Variants in PLCB1 observed in about 807,000 individuals in gnomAD.
PLCB1 encodes phospholipase C beta 1, also known as 1-phosphatidylinositol 4,5-bisphosphate phosphodiesterase beta-1.
A neutral mutation model predicts 161.8 loss-of-function variants in PLCB1; 46 were observed. The ratio of observed to expected loss-of-function variants is 0.28; its 90% CI spans 0.22 to 0.36. The LOEUF (loss-of-function observed/expected upper bound fraction) is 0.36, where lower values mean the gene tolerates loss of function less well. PLCB1 is among the 10% of genes least tolerant of loss of function. PLCB1 has a pLI of 1.00. For missense variants in PLCB1, 1,016 were observed against 1,472.5 expected (o/e 0.69, Z 5.07); for synonymous variants, 517 against 503.7 (o/e 1.03, Z -0.35).
chr20:8,186,009 G>A (rs1284125887), intron 2 of PLCB1, among the ~76,000 whole-genome samples: 2 of 152,150 alleles, frequency 1.3e-5, no homozygotes, highest in Non-Finnish European at 2.9e-5. Context: ...GTTGTTAGTA[G>A]TATTCCAGTG....
In PLCB1 at chr20:8,629,877, C is replaced by CTTTCTT. The variant is rs1159340046; in HGVS notation, c.384+1447_384+1448insTTCTTT. The stretch of plus-strand genomic sequence containing the variant: ...TCTTTCTTTCTTTCTTTCTTTCTTT[C>CTTTCTT]TCTCTCTCTTTCTTTTCTTTCTTTC... On this transcript the variant is annotated intron_variant, in intron 4 of 31. Transcript: ENST00000338037. Among the ~76,000 whole-genome samples, 125 of 64,340 alleles carry CTTTCTT rather than the reference C, an allele frequency of 1.9e-3. 2 individuals are homozygous for CTTTCTT. The highest frequency in any genetic ancestry group is 4.2e-3 in the East Asian group (13 of 3,080). The allele number at this position is 64,340 out of a possible 152,430, so 42.2% of individuals were successfully genotyped here.
chr20:8,712,026 G>A (rs955232657), intron 12 of PLCB1, among the ~76,000 whole-genome samples: 3 of 152,160 alleles, frequency 2.0e-5, no homozygotes, highest in African/African-American at 7.2e-5. Flanking sequence ...AAAAGGACAG[G>A]GCACGGTGGC....
At chr20:8,784,171 A>T (rs1983368199) in intron 27 of PLCB1, among the ~76,000 whole-genome samples, 1 of 152,226 alleles carries the variant, frequency 6.6e-6, no homozygotes, top group South Asian at 2.1e-4. Flanking sequence ...AAATCATAAT[A>T]TTAATTATTC....
At chr20:8,766,535 G>C (rs1424848352) in intron 26 of PLCB1, among the ~76,000 whole-genome samples, 2 of 152,214 alleles carry the variant, frequency 1.3e-5, no homozygotes, top group Non-Finnish European at 2.9e-5. Flanking sequence ...CATGAGAGGA[G>C]TGAAACAGGA....
At chr20:8,567,397 G>A (rs766684821) in intron 3 of PLCB1, among the ~76,000 whole-genome samples, 10 of 151,866 alleles carry the variant, frequency 6.6e-5, no homozygotes, top group South Asian at 2.1e-4. Flanking sequence ...TAAATTATCC[G>A]GATACCCAAG....
At chr20:8,147,825 C>T (rs1194450661) in intron 1 of PLCB1, among the ~76,000 whole-genome samples, 1 of 150,222 alleles carries the variant, frequency 6.7e-6, no homozygotes, top group Non-Finnish European at 1.5e-5. Context: ...GTATCTGAAA[C>T]AAACTAGGCA....
chr20:8,635,323 G>C (rs1312892613), intron 4 of PLCB1, among the ~76,000 whole-genome samples: 1 of 151,994 alleles, frequency 6.6e-6, no homozygotes, highest in African/African-American at 2.4e-5. Context: ...AAGGAAAAGG[G>C]GAGGCTTTTG....
At chr20:8,604,558 C>T (rs1393926487) in intron 3 of PLCB1, among the ~76,000 whole-genome samples, 1 of 152,062 alleles carries the variant, frequency 6.6e-6, no homozygotes, top group Non-Finnish European at 1.5e-5. Flanking sequence ...GAAAGTTTCT[C>T]ATTAGAATTT....
chr20:8,176,862 T>C (rs1270578684), intron 2 of PLCB1, among the ~76,000 whole-genome samples: 1 of 152,160 alleles, frequency 6.6e-6, no homozygotes, highest in Non-Finnish European at 1.5e-5. Flanking sequence ...TCCAGAGTAG[T>C]GCCTGAGGAC....
chr20:8,608,306 A>G (rs552521115), intron 3 of PLCB1, among the ~76,000 whole-genome samples: 2 of 152,310 alleles, frequency 1.3e-5, no homozygotes, highest in South Asian at 4.1e-4. Context: ...AGGCAAATTT[A>G]AAATTTCTTT....
intron 12 of PLCB1, among the ~76,000 whole-genome samples, chr20:8,714,746 A>G (rs557423878): frequency 3.0e-4 from 45 of 152,126 alleles, no homozygotes; most frequent in Non-Finnish European, 5.4e-4. Flanking sequence ...AATCCTTTGA[A>G]TCTCTCCTTA....
At chr20:8,363,159 G>A (rs2122307996) in intron 2 of PLCB1, among the ~76,000 whole-genome samples, 2 of 152,234 alleles carry the variant, frequency 1.3e-5, no homozygotes, top group South Asian at 4.1e-4. Context: ...TGGAAACAAT[G>A]GGGTTAGTGT....
intron 31 of PLCB1, among the ~76,000 whole-genome samples, chr20:8,812,712 C>T (rs1280857413): frequency 6.6e-6 from 1 of 152,180 alleles, no homozygotes; most frequent in East Asian, 1.9e-4. Context: ...GATTTACCCA[C>T]CATTTGGGAG....
intron 3 of PLCB1, among the ~76,000 whole-genome samples, chr20:8,376,488 C>CA (rs1987085308): frequency 6.6e-6 from 1 of 152,120 alleles, no homozygotes; most frequent in Non-Finnish European, 1.5e-5. Flanking sequence ...TATTCAATGA[C>CA]AGAAGTCATT....
intron 2 of PLCB1, among the ~76,000 whole-genome samples, chr20:8,195,019 A>G (rs1198319420): frequency 1.3e-5 from 2 of 152,054 alleles, no homozygotes; most frequent in African/African-American, 2.4e-5. Context: ...TAGACCTGAG[A>G]TCATTTCTTT....
chr20:8,868,046 AT>A (rs1289366221), intron 31 of PLCB1, among the ~76,000 whole-genome samples: 3 of 151,882 alleles, frequency 2.0e-5, no homozygotes, highest in African/African-American at 7.3e-5. Flanking sequence ...AACCCAAGAG[AT>A]TTTTTTCTTT....
intron 2 of PLCB1, among the ~76,000 whole-genome samples, chr20:8,365,702 G>C (rs1418309109): frequency 6.6e-6 from 1 of 152,092 alleles, no homozygotes; most frequent in African/African-American, 2.4e-5. Context: ...ATATATTAAT[G>C]TATTCTACTT....
chr20:8,636,647 A>C (rs1988770747), intron 4 of PLCB1, among the ~76,000 whole-genome samples: 1 of 152,240 alleles, frequency 6.6e-6, no homozygotes, highest in South Asian at 2.1e-4. Context: ...TGACTGTGGA[A>C]GAAAGCACCC....
intron 2 of PLCB1, among the ~76,000 whole-genome samples, chr20:8,344,622 GAA>G (rs149715983): frequency 0.035 from 5,266 of 152,174 alleles, 107 homozygotes; most frequent in South Asian, 0.078. Context: ...GCGATTCCCT[GAA>G]AAAGTCACGT....
Sources: gnomAD v4.1 joint callset for allele counts (sites outside exome capture counted in the v4.1 genomes callset) on GRCh38, gnomAD v4.1.1 for gene constraint, MANE v1.5 for transcripts, NCBI Gene and HGNC (gene_info 2026-07-23, HGNC 2026-07-21) for gene names.